KIAA0319: variants seen among roughly 807,000 people sequenced by gnomAD.
The protein encoded by KIAA0319 is dyslexia-associated protein KIAA0319.
Under a neutral mutation model 108.4 loss-of-function variants are expected in KIAA0319, and 83 were observed. The observed-to-expected ratio is 0.77, with a 90% CI of 0.64 to 0.92. The LOEUF (loss-of-function observed/expected upper bound fraction) is 0.92. Ranked by LOEUF, KIAA0319 falls within the 40% of genes least tolerant of loss-of-function variation. The pLI, the probability that KIAA0319 is intolerant of heterozygous loss-of-function variation, is 0.00. For synonymous variants in KIAA0319, 484 were observed against 510.4 expected (o/e 0.95, Z 0.70); for missense variants, 1,195 against 1,322.4 (o/e 0.90, Z 1.49).
At chr6:24,561,121 A>G (rs1763045216) in intron 16 of KIAA0319, among the ~76,000 whole-genome samples, 1 of 152,224 alleles carries the variant, frequency 6.6e-6, no homozygotes, top group African/African-American at 2.4e-5. Context: ...AAACCTTGTA[A>G]TAAGTTGCTG....
chr6:24,563,757 A>C (rs1007295797), intron 15 of KIAA0319, among the ~76,000 whole-genome samples: 1 of 152,184 alleles, frequency 6.6e-6, no homozygotes. Flanking sequence ...GGTGTACCTA[A>C]TTAGCCTCTG....
chr6:24,633,266 A>G (rs1216100339), intron 1 of KIAA0319, among the ~76,000 whole-genome samples: 1 of 152,236 alleles, frequency 6.6e-6, no homozygotes. Context: ...GGGAGATCCC[A>G]TTCCCAGGCA....
intron 1 of KIAA0319, among the ~76,000 whole-genome samples, chr6:24,612,893 G>A (rs776806361): frequency 5.9e-5 from 9 of 152,008 alleles, no homozygotes; most frequent in East Asian, 3.9e-4. Flanking sequence ...CCGCCTCCCC[G>A]GTTCACGCCA....
chr6:24,638,716 C>A (rs1019255815), intron 1 of KIAA0319, among the ~76,000 whole-genome samples: 10 of 150,650 alleles, frequency 6.6e-5, no homozygotes, highest in African/African-American at 2.4e-5. Flanking sequence ...GCTGAGATTG[C>A]GCCACGGCAC....
rs780582535 is a variant in KIAA0319 at position 24,588,702 on chromosome 6, G to A, written c.885C>T (p.Val295=). 1 of 1,614,028 alleles carries A rather than the reference G, an allele frequency of 6.2e-7. No individual in the cohort carries two copies. The part of the protein sequence containing the change: ...VTVEKSPVLT[V]TPGSTEHSIP... The stretch of plus-strand genomic sequence containing the variant: ...TGCTGTGCTCTGTACTCCCCGGGGT[G>A]ACTGTGAGCACTGGGCTTTTCTCCA... The change falls in exon 4 of 21, where the codon GTC becomes GTT. Residue 295 remains valine, a synonymous_variant. Transcript: ENST00000378214.
At chr6:24,570,605 G>C (rs1273337630) in intron 11 of KIAA0319, among the ~76,000 whole-genome samples, 2 of 146,148 alleles carry the variant, frequency 1.4e-5, no homozygotes, top group African/African-American at 5.0e-5. Flanking sequence ...AATCGTCATA[G>C]GGTGAAAGAG....
At position 24,581,025 on chromosome 6, in the gene KIAA0319, A is replaced by G. The variant is rs901997920; in HGVS notation, c.1192-12T>C. 8 of 1,567,430 alleles carry G rather than the reference A, an allele frequency of 5.1e-6. No individual in the cohort carries two copies. Among genetic ancestry groups the G allele is most frequent in the Non-Finnish European group, 7.0e-6 (8 of 1,138,410 alleles). On this transcript the variant is annotated splice_polypyrimidine_tract_variant and intron_variant, in intron 6 of 20. Transcript: ENST00000378214. ...AGTCCGACGGACAACTGTAACATAA[A>G]GAAAAGTTGTACAGTTCAACATGCA... is the stretch of plus-strand genomic sequence containing the variant.
chr6:24,634,909 G>T (rs1209162846), intron 1 of KIAA0319, among the ~76,000 whole-genome samples: 1 of 152,138 alleles, frequency 6.6e-6, no homozygotes, highest in East Asian at 1.9e-4. Context: ...GAAAGAGGGA[G>T]GATATGGTAA....
chr6:24,582,250 T>C lies in KIAA0319; in HGVS notation c.1190A>G (p.Gln397Arg). Residue 397 changes from glutamine to arginine, a missense_variant and splice_region_variant, in exon 6 of 21, where the codon CAA (glutamine) becomes CGA (arginine). By Grantham distance (43) the Gln-to-Arg change is conservative. Transcript: ENST00000378214. Reference protein sequence around the residue: ...QGHKQTLNLSQLSVGLYVFKV... With the variant: ...QGHKQTLNLSRLSVGLYVFKV... The stretch of plus-strand genomic sequence containing the variant: ...CACAACCAGTCTCCAGTTACTTACT[T>C]GAGAGAGGTTAAGAGTTTGCTTGTG... 1 of 1,547,718 alleles carries C rather than the reference T, an allele frequency of 6.5e-7. No homozygotes were observed.
intron 3 of KIAA0319, among the ~76,000 whole-genome samples, chr6:24,592,788 T>A (rs979766222): frequency 4.6e-5 from 7 of 152,058 alleles, no homozygotes; most frequent in Non-Finnish European, 1.0e-4. Context: ...CTGGGCAACA[T>A]AGCGAAATCC....
intron 12 of KIAA0319, among the ~76,000 whole-genome samples, chr6:24,569,203 G>A (rs548819569): frequency 4.6e-5 from 7 of 152,124 alleles, no homozygotes; most frequent in Non-Finnish European, 4.4e-5. Flanking sequence ...TCTATCCTTG[G>A]AAAATGAGCC....
chr6:24,548,290 T>C (rs1760927121), intron 20 of KIAA0319, among the ~76,000 whole-genome samples: 2 of 152,062 alleles, frequency 1.3e-5, no homozygotes, highest in African/African-American at 4.8e-5. Context: ...ATGGAATTTA[T>C]TGGTCAAAAA....
chr6:24,606,457 G>A (rs1771423067), intron 1 of KIAA0319, among the ~76,000 whole-genome samples: 1 of 152,154 alleles, frequency 6.6e-6, no homozygotes, highest in South Asian at 2.1e-4. Context: ...GTGGGAATGA[G>A]GTGAGCCCAG....
chr6:24,610,610 A>T (rs1057470758), intron 1 of KIAA0319, among the ~76,000 whole-genome samples: 6 of 152,194 alleles, frequency 3.9e-5, no homozygotes, highest in African/African-American at 1.4e-4. Context: ...ATATAGCCAC[A>T]AAACAATGTG....
chr6:24,608,499 G>C (rs935968949), intron 1 of KIAA0319, among the ~76,000 whole-genome samples: 5 of 151,840 alleles, frequency 3.3e-5, no homozygotes, highest in African/African-American at 1.2e-4. Flanking sequence ...GGGAAAACTG[G>C]TCCTACCATA....
At chr6:24,580,311 T>TCCCCCCCCCCCCCCCCCC (rs553867582) in intron 7 of KIAA0319, among the ~76,000 whole-genome samples, 1 of 133,144 alleles carries the variant, frequency 7.5e-6, no homozygotes, top group African/African-American at 2.8e-5. Flanking sequence ...TGAAGGCAAC[T>TCCCCCCCCCCCCCCCCCC]CCCCCCCCCA....
rs923126480 is a variant in KIAA0319 at position 24,572,812 on chromosome 6, T to C, written c.1735-114A>G. ...ACAATTTTACTTAATACAGAGATCT[T>C]GCTCAAAAAAGAAATGTGTTTGGCC... is the stretch of plus-strand genomic sequence containing the variant. On this transcript the variant is annotated intron_variant, in intron 10 of 20. Transcript: ENST00000378214. The C allele has an allele frequency of 1.3e-5, 14 of 1,084,772 alleles. No homozygotes were observed. The African/African-American group carries it at 2.1e-4, about 16-fold the overall frequency. The allele number at this position is 1,084,772 out of a possible 1,614,324, so 67.2% of individuals were successfully genotyped here.
intron 1 of KIAA0319, among the ~76,000 whole-genome samples, chr6:24,627,464 T>TTCC (rs1364435957): frequency 1.4e-5 from 1 of 70,028 alleles, no homozygotes. Flanking sequence ...CCTTCCTTCT[T>TTCC]TCCTTTTTTT....
chr6:24,563,255 A>G lies in KIAA0319; in HGVS notation c.2591+104T>C, dbSNP rs925581687. 3.3e-5 allele frequency: 43 copies of G among 1,321,844 alleles called. No homozygotes were observed. In the Admixed American group the frequency reaches 4.1e-4, roughly 13 times the overall value. The allele number at this position is 1,321,844 out of a possible 1,614,324, so 81.9% of individuals were successfully genotyped here. On this transcript the variant is annotated intron_variant, in intron 16 of 20. Transcript: ENST00000378214. ...TGAATGGGATAAAAGTGTGTCAAAA[A>G]TACAAAAGTAGCAGAGGAATGAACA...
Sources: gnomAD v4.1 joint callset for allele counts (sites outside exome capture counted in the v4.1 genomes callset) on GRCh38, gnomAD v4.1.1 for gene constraint, MANE v1.5 for transcripts, NCBI Gene and HGNC (gene_info 2026-07-23, HGNC 2026-07-21) for gene names.